CCDC3: variants seen among roughly 807,000 people sequenced by gnomAD.
The protein encoded by CCDC3 is coiled-coil domain containing 3, also known as coiled-coil domain-containing protein 3.
A neutral mutation model predicts 21.4 loss-of-function variants in CCDC3; 24 were observed. The observed-to-expected ratio is 1.12, with a 90% CI of 0.81 to 1.58. The LOEUF (loss-of-function observed/expected upper bound fraction) is 1.58, where lower values mean the gene tolerates loss of function less well. Among genes scored for constraint, CCDC3 ranks in the 40% most tolerant of loss-of-function variants. CCDC3 has a pLI of 0.00. For synonymous variants in CCDC3, 186 were observed against 166.0 expected (o/e 1.12, Z -0.93); for missense variants, 425 against 360.9 (o/e 1.18, Z -1.44).
At chr10:13,087,481 A>G (rs1837125721) in intron 3 of CCDC3, among the ~76,000 whole-genome samples, 1 of 151,790 alleles carries the variant, frequency 6.6e-6, no homozygotes, top group Admixed American at 6.6e-5. Context: ...TCCCTTCTCC[A>G]TGTCCACTCC....
intron 2 of CCDC3, among the ~76,000 whole-genome samples, chr10:12,918,284 T>C (rs969214646): frequency 6.6e-6 from 1 of 152,188 alleles, no homozygotes; most frequent in Non-Finnish European, 1.5e-5. Context: ...TTTTCAAAAA[T>C]TTCTTGGCCA....
intron 2 of CCDC3, among the ~76,000 whole-genome samples, chr10:12,924,963 G>A (rs979384010): frequency 5.3e-5 from 8 of 152,194 alleles, no homozygotes; most frequent in African/African-American, 1.9e-4. Context: ...AAGTGAAATC[G>A]ATGTGGCAGC....
chr10:13,060,961 G>T (rs1175721856), intron 4 of CCDC3, among the ~76,000 whole-genome samples: 1 of 152,212 alleles, frequency 6.6e-6, no homozygotes, highest in Non-Finnish European at 1.5e-5. Flanking sequence ...AGGGCTCTAA[G>T]AGGTTTGGTA....
chr10:12,957,662 A>G (rs1835112340), intron 2 of CCDC3, among the ~76,000 whole-genome samples: 1 of 152,042 alleles, frequency 6.6e-6, no homozygotes. Flanking sequence ...GATTGTTTCT[A>G]AGCGTGCGGC....
At chr10:12,923,032 T>A (rs1275029965) in intron 2 of CCDC3, among the ~76,000 whole-genome samples, 1 of 152,164 alleles carries the variant, frequency 6.6e-6, no homozygotes, top group Non-Finnish European at 1.5e-5. Context: ...ACATCACTTA[T>A]TTTTAAAAGT....
At chr10:12,920,462 G>A (rs1235217167) in intron 2 of CCDC3, among the ~76,000 whole-genome samples, 2 of 152,178 alleles carry the variant, frequency 1.3e-5, no homozygotes, top group East Asian at 3.8e-4. Context: ...TCATGGCTGT[G>A]GCAGGGAGCA....
At chr10:13,070,908 T>C (rs1399154052) in intron 4 of CCDC3, among the ~76,000 whole-genome samples, 1 of 152,202 alleles carries the variant, frequency 6.6e-6, no homozygotes, top group Non-Finnish European at 1.5e-5. Context: ...TCATTCATTG[T>C]TTTTAACTTT....
At chr10:12,933,503 G>A (rs1251012) in intron 2 of CCDC3, among the ~76,000 whole-genome samples, 1 of 148,412 alleles carries the variant, frequency 6.7e-6, no homozygotes, top group Non-Finnish European at 1.5e-5. Flanking sequence ...TGCCCAGAGC[G>A]ACCCAGTGCA....
In CCDC3 at chr10:12,913,264, A is replaced by G. The variant is rs377145856; in HGVS notation, c.550-14585T>C. Among the ~76,000 whole-genome samples, 23 of 152,270 alleles carry G rather than the reference A, an allele frequency of 1.5e-4. No homozygotes were observed. In the East Asian group the frequency reaches 2.5e-3, roughly 17 times the overall value. On this transcript the variant is annotated intron_variant, in intron 2 of 2. Transcript: ENST00000378825. ...TTTGTATCTTCAGTTTTTTCCATCAATGTCTTATAGTTTTCAGTGTACAGT... is the reference window on the plus strand; with the variant it reads ...TTTGTATCTTCAGTTTTTTCCATCAGTGTCTTATAGTTTTCAGTGTACAGT...
At chr10:13,092,256 GTTTC>G (rs1832581064) in intron 3 of CCDC3, among the ~76,000 whole-genome samples, 2 of 152,174 alleles carry the variant, frequency 1.3e-5, no homozygotes, top group African/African-American at 4.8e-5. Flanking sequence ...CTCTTCTCTT[GTTTC>G]TATAATAAAC....
chr10:13,077,306 C>T (rs1251149), intron 3 of CCDC3, among the ~76,000 whole-genome samples: 2,324 of 152,134 alleles, frequency 0.015, 62 homozygotes, highest in African/African-American at 0.052. Flanking sequence ...TTACAAGGGA[C>T]GTGAAGGACC....
chr10:12,921,093 C>T (rs148402403), intron 2 of CCDC3, among the ~76,000 whole-genome samples: 8 of 152,152 alleles, frequency 5.3e-5, no homozygotes, highest in African/African-American at 9.7e-5. Flanking sequence ...CCTGGGACAT[C>T]GTGGTTTTAG....
intron 5 of CCDC3, among the ~76,000 whole-genome samples, chr10:13,027,218 G>C (rs933399232): frequency 1.3e-5 from 2 of 152,020 alleles, no homozygotes; most frequent in Admixed American, 1.3e-4. Context: ...GGTCCGTAGG[G>C]GAATCTTAGC....
intron 2 of CCDC3, among the ~76,000 whole-genome samples, chr10:12,970,619 C>T (rs1835327848): frequency 6.6e-6 from 1 of 152,162 alleles, no homozygotes; most frequent in South Asian, 2.1e-4. Context: ...TGGCTCACGC[C>T]TGTAATCCCA....
chr10:13,015,534 G>A (rs1165472904), intron 5 of CCDC3, among the ~76,000 whole-genome samples: 8 of 152,070 alleles, frequency 5.3e-5, no homozygotes, highest in Non-Finnish European at 5.9e-5. Flanking sequence ...CAGCCCTTAC[G>A]ACTGCCTTGC....
intron 3 of CCDC3, among the ~76,000 whole-genome samples, chr10:13,075,278 T>C (rs1382161568): frequency 1.3e-5 from 2 of 152,258 alleles, no homozygotes; most frequent in African/African-American, 4.8e-5. Flanking sequence ...GTTTTGCGTA[T>C]CACTGTATCC....
chr10:12,900,955 C>G (rs559256024), intron 2 of CCDC3, among the ~76,000 whole-genome samples: 69 of 152,242 alleles, frequency 4.5e-4, no homozygotes, highest in African/African-American at 1.5e-3. Flanking sequence ...TAGCCGATAG[C>G]CCTAAGCTGA....
At chr10:12,992,831 T>C (rs1835701365) in intron 2 of CCDC3, among the ~76,000 whole-genome samples, 1 of 152,158 alleles carries the variant, frequency 6.6e-6, no homozygotes, top group Non-Finnish European at 1.5e-5. Context: ...CCACTGACTG[T>C]CTATAAAGGA....
At chr10:13,033,120 A>C (rs1159451150) in intron 5 of CCDC3, among the ~76,000 whole-genome samples, 3 of 152,256 alleles carry the variant, frequency 2.0e-5, no homozygotes, top group Non-Finnish European at 4.4e-5. Context: ...CCAAAATAGC[A>C]TGGTACTGGT....
Sources: allele counts gnomAD v4.1 joint callset (sites outside exome capture counted in the v4.1 genomes callset), GRCh38; gene constraint gnomAD v4.1.1; transcripts MANE v1.5; gene names NCBI Gene and HGNC (gene_info 2026-07-23, HGNC 2026-07-21).